DHRSX: variants seen among roughly 807,000 people sequenced by gnomAD.
The protein encoded by DHRSX is polyprenol dehydrogenase.
DHRSX carries 31 observed loss-of-function variants against 34.0 expected under a neutral mutation model. The observed-to-expected ratio is 0.91, with a 90% CI of 0.69 to 1.23. The LOEUF (loss-of-function observed/expected upper bound fraction) is 1.23, where lower values mean the gene tolerates loss of function less well. DHRSX is among the 50% of genes most tolerant of loss of function. The pLI is 0.00. For synonymous variants in DHRSX, 201 were observed against 183.8 expected, an observed-to-expected ratio of 1.09 and a Z score of -0.76; for missense variants, 414 against 428.1, an observed-to-expected ratio of 0.97 and a Z score of 0.29.
chrX:2,341,039 C>T (rs2042634094), intron 3 of DHRSX, among the ~76,000 whole-genome samples: 1 of 151,992 alleles, frequency 6.6e-6, no homozygotes, highest in African/African-American at 2.4e-5. Context: ...CAAATCAAGG[C>T]AGGGGGAGAA....
intron 1 of DHRSX, among the ~76,000 whole-genome samples, chrX:2,450,998 G>C (rs1161991125): frequency 6.6e-6 from 1 of 152,032 alleles, no homozygotes; most frequent in Admixed American, 6.6e-5. Context: ...GAACCAGGAA[G>C]TGGGTCCCCA....
chrX:2,450,041 G>A (rs2044194898), intron 1 of DHRSX, among the ~76,000 whole-genome samples: 2 of 151,810 alleles, frequency 1.3e-5, no homozygotes, highest in South Asian at 4.1e-4. Context: ...CCTCACATGC[G>A]TTACCTAAGG....
rs1324737581 is a variant in DHRSX, at chrX:2,495,379, T to C, written c.109+5438A>G. ...ATTATTATTAATATTATTGTTATTA[T>C]TTAGGTGAACAAAGGTTTCTATTCT... On this transcript the variant is annotated intron_variant, in intron 1 of 6. Coordinates refer to ENST00000334651, the MANE Select transcript of DHRSX (RefSeq NM_145177.3). 2.0e-5 allele frequency among the ~76,000 whole-genome samples: 3 copies of C among 152,064 alleles called. No individual in the cohort carries two copies. In the East Asian group the frequency reaches 5.8e-4, roughly 29 times the overall value.
chrX:2,362,890 C>T (rs944405405), intron 3 of DHRSX, among the ~76,000 whole-genome samples: 2 of 119,794 alleles, frequency 1.7e-5, no homozygotes, highest in African/African-American at 5.6e-5. Context: ...TATCATGCCG[C>T]CATTTTATCA....
chrX:2,236,883 TAAAAA>T (rs553057998), intron 6 of DHRSX, among the ~76,000 whole-genome samples: 1 of 136,154 alleles, frequency 7.3e-6, no homozygotes. Context: ...TGTTTATTAA[TAAAAA>T]AAAAAAAAGA....
At chrX:2,400,153 T>C (rs1422085377) in intron 3 of DHRSX, among the ~76,000 whole-genome samples, 6 of 152,172 alleles carry the variant, frequency 3.9e-5, no homozygotes, top group Non-Finnish European at 8.8e-5. Flanking sequence ...GCGAACACAT[T>C]CACATAAAGT....
At chrX:2,485,910 A>G (rs28369396) in intron 1 of DHRSX, among the ~76,000 whole-genome samples, 3 of 146,492 alleles carry the variant, frequency 2.0e-5, no homozygotes, top group Admixed American at 2.0e-4. Flanking sequence ...ATGGGAGGGA[A>G]GGAAGGAAGG....
intron 6 of DHRSX, among the ~76,000 whole-genome samples, chrX:2,236,242 G>A (rs1161677863): frequency 6.6e-6 from 1 of 152,146 alleles, no homozygotes; most frequent in African/African-American, 2.4e-5. Flanking sequence ...AAAGCTTTGT[G>A]AGGGGAAAGC....
chrX:2,392,394 C>A (rs1436480913), intron 3 of DHRSX: 1 of 258,226 alleles, frequency 3.9e-6, no homozygotes, highest in Non-Finnish European at 7.7e-6. Flanking sequence ...GTAGTCCCAG[C>A]TCCTCGAGAG....
chrX:2,328,962 C>G (rs138272561), intron 3 of DHRSX, among the ~76,000 whole-genome samples: 10 of 152,252 alleles, frequency 6.6e-5, no homozygotes, highest in Non-Finnish European at 1.3e-4. Context: ...AATCTTTGCA[C>G]AGAGGAGGAT....
intron 6 of DHRSX, among the ~76,000 whole-genome samples, chrX:2,229,198 G>A (rs1419573489): frequency 6.6e-6 from 1 of 152,124 alleles, no homozygotes; most frequent in Non-Finnish European, 1.5e-5. Context: ...TCACACTCAG[G>A]GAAGTGGCTG....
intron 1 of DHRSX, among the ~76,000 whole-genome samples, chrX:2,444,757 T>A (rs1183273872): frequency 1.3e-5 from 2 of 151,296 alleles, no homozygotes; most frequent in Non-Finnish European, 2.9e-5. Context: ...ATGGCTTGAG[T>A]CCAGGAGGTC....
At chrX:2,361,858 G>A (rs2042938059) in intron 3 of DHRSX, among the ~76,000 whole-genome samples, 1 of 152,156 alleles carries the variant, frequency 6.6e-6, no homozygotes, top group African/African-American at 2.4e-5. Flanking sequence ...ATGCTGGAGA[G>A]GTTCACCATC....
intron 1 of DHRSX, among the ~76,000 whole-genome samples, chrX:2,477,979 G>A (rs770497470): frequency 1.3e-4 from 20 of 152,284 alleles, no homozygotes; most frequent in African/African-American, 3.6e-4. Context: ...AAGTCTACAC[G>A]GATATAAAGA....
Position 2,393,731 on chromosome X carries a change from C to CCT in DHRSX, c.286+15012_286+15013dup, listed in dbSNP as rs1477438341. Among the ~76,000 whole-genome samples the CCT allele has an allele frequency of 6.1e-4, 75 of 123,434 alleles. 3 individuals carry two copies. Among genetic ancestry groups the CCT allele is most frequent in the African/African-American group, 2.1e-3 (62 of 29,396 alleles). The allele number at this position is 123,434 out of a possible 152,430, so 81.0% of individuals were successfully genotyped here. ...ACGACACACAGGGACCTCCCCGTCT[C>CCT]CTGCACACACGACACACAGGGACCT... On this transcript the variant is annotated intron_variant, in intron 3 of 6. Transcript: ENST00000334651.
At chrX:2,261,246 T>A (rs1034216664) in intron 5 of DHRSX, 1 of 152,040 alleles carries the variant, frequency 6.6e-6, no homozygotes, top group African/African-American at 2.4e-5. Flanking sequence ...TAATGGCATA[T>A]AAGCAATACC....
At chrX:2,484,891 C>T (rs1467110195) in intron 1 of DHRSX, among the ~76,000 whole-genome samples, 1 of 152,150 alleles carries the variant, frequency 6.6e-6, no homozygotes, top group African/African-American at 2.4e-5. Context: ...AACGTCACCA[C>T]CGAGATTTCG....
chrX:2,298,317 GT>G (rs529844889), intron 3 of DHRSX, among the ~76,000 whole-genome samples: 5,584 of 123,588 alleles, frequency 0.045, 348 homozygotes, highest in African/African-American at 0.14. Flanking sequence ...CAGTTTTGGT[GT>G]TTTTTTTTTT....
At chrX:2,313,648 T>A (rs2042190934) in intron 3 of DHRSX, among the ~76,000 whole-genome samples, 1 of 152,146 alleles carries the variant, frequency 6.6e-6, no homozygotes, top group South Asian at 2.1e-4. Context: ...ATTACAGGCA[T>A]GAGCCACGAC....
Sources: allele counts gnomAD v4.1 joint callset (sites outside exome capture counted in the v4.1 genomes callset), GRCh38; gene constraint gnomAD v4.1.1; transcripts MANE v1.5; gene names NCBI Gene and HGNC (gene_info 2026-07-23, HGNC 2026-07-21).